The following PFKFB1 variants were observed in gnomAD, a reference collection of about 807,000 sequenced individuals.
PFKFB1 encodes the protein 6-phosphofructo-2-kinase/fructose-2,6-biphosphatase 1.
A neutral mutation model predicts 46.4 loss-of-function variants in PFKFB1; 34 were observed. The ratio of observed to expected loss-of-function variants is 0.73; its 90% confidence interval spans 0.56 to 0.98. The LOEUF (loss-of-function observed/expected upper bound fraction) is 0.98, where lower values mean the gene tolerates loss of function less well. PFKFB1 is among the 50% of genes least tolerant of loss of function. The pLI, the probability that PFKFB1 is intolerant of heterozygous loss-of-function variation, is 0.00. For synonymous variants in PFKFB1, 119 were observed against 133.8 expected (o/e 0.89, Z 0.76); for missense variants, 393 against 376.3 (o/e 1.04, Z -0.37).
chrX:54,941,684 C>T (rs1450131295), intron 10 of PFKFB1, among the ~76,000 whole-genome samples: 1 of 111,999 alleles, frequency 8.9e-6, no homozygotes, highest in Non-Finnish European at 1.9e-5. Context: ...AAATCAAAAC[C>T]ACAATGAGAT....
chrX:54,945,077 G>T (rs1461795346), intron 10 of PFKFB1, among the ~76,000 whole-genome samples: 1 of 112,043 alleles, frequency 8.9e-6, no homozygotes, highest in Non-Finnish European at 1.9e-5. Context: ...GCCCAGACAG[G>T]CTGGAGCTTT....
intron 12 of PFKFB1, 84 bp downstream of exon 12, chrX:54,934,863 G>A: frequency 1.3e-6 from 1 of 771,210 alleles, no homozygotes; most frequent in African/African-American, 2.0e-5. Flanking sequence ...CCTCCTGCAG[G>A]ACTCTTCTGG....
In PFKFB1 at chrX:54,945,532, C is replaced by G; in HGVS notation, c.1005G>C (p.Glu335Asp). 1 of 1,157,912 alleles carries G rather than the reference C, an allele frequency of 8.6e-7. No homozygotes were observed. The highest frequency in any genetic ancestry group is 1.9e-5 in the South Asian group (1 of 53,742). ...ALNEIDAGVCEEMTYEEIQEH... is the reference protein window; with the variant it reads ...ALNEIDAGVCDEMTYEEIQEH... Reference sequence around the variant, plus strand: ...CCTGGATTTCTTCATAGGTCATCTCCTCACAGACACCCTGAGAAAAAGTAT... The same window carrying G: ...CCTGGATTTCTTCATAGGTCATCTCGTCACAGACACCCTGAGAAAAAGTAT... Residue 335 changes from glutamate (E) to aspartate (D), a missense_variant, in exon 10 of 14, where the codon GAG becomes GAC. Coordinates refer to ENST00000375006, the MANE Select transcript of PFKFB1 (RefSeq NM_002625.4).
chrX:54,943,644 G>A (rs1480829658), intron 10 of PFKFB1, among the ~76,000 whole-genome samples: 2 of 110,757 alleles, frequency 1.8e-5, no homozygotes, highest in African/African-American at 6.6e-5. Flanking sequence ...CCAGCTACTC[G>A]GGAGGCTGAG....
intron 1 of PFKFB1, among the ~76,000 whole-genome samples, chrX:54,974,329 G>A (rs954374029): frequency 1.8e-5 from 2 of 111,578 alleles, no homozygotes; most frequent in African/African-American, 6.5e-5. Context: ...CTTTAACAAA[G>A]CATGCAATAA....
At chrX:54,998,689 A>G (rs903613209), upstream of PFKFB1, among the ~76,000 whole-genome samples, 2 of 112,592 alleles carry the variant, frequency 1.8e-5, no homozygotes, top group African/African-American at 6.5e-5. Flanking sequence ...GTCAGAACTA[A>G]TATTAACAAG....
At chrX:54,943,614 G>T (rs1427150388) in intron 10 of PFKFB1, among the ~76,000 whole-genome samples, 1 of 110,525 alleles carries the variant, frequency 9.0e-6, no homozygotes, top group African/African-American at 3.3e-5. Context: ...AGCCAGGTGT[G>T]GTGGCAGGTG....
At chrX:54,993,112 G>T (rs781161869) in intron 1 of PFKFB1, among the ~76,000 whole-genome samples, 4 of 111,713 alleles carry the variant, frequency 3.6e-5, no homozygotes, top group Non-Finnish European at 7.5e-5. Context: ...CCACCTTATG[G>T]CCACTCAGGC....
chrX:54,955,482 GT>G (rs11423589), intron 7 of PFKFB1, among the ~76,000 whole-genome samples: 1 of 108,811 alleles, frequency 9.2e-6, no homozygotes, highest in African/African-American at 3.4e-5. Context: ...AACATTTCTT[GT>G]TTTTTTTTAT....
chrX:54,948,901 C>T (rs549313065), intron 9 of PFKFB1, among the ~76,000 whole-genome samples, 174 bp downstream of exon 9: 2 of 112,327 alleles, frequency 1.8e-5, no homozygotes, highest in South Asian at 7.5e-4. Flanking sequence ...TTTGTCTATT[C>T]TGGCCTTCAC....
Position 54,958,336 on chromosome X carries a change from A to G in PFKFB1, c.486T>C (p.Asn162=), listed in dbSNP as rs1174635953. 2 of 1,179,399 alleles carry G rather than the reference A, an allele frequency of 1.7e-6. No homozygotes were observed. Among genetic ancestry groups the G allele is most frequent in the African/African-American group, 1.8e-5 (1 of 56,548 alleles). Residue 162 remains asparagine (N), a synonymous_variant, in exon 6 of 14, where the codon AAT becomes AAC. Transcript: ENST00000375006. ...YKVFFIESIC[N]DPGIIAENIR... ...TGTTTTCTGCAATTATGCCAGGGTC[A>G]TTACAAATGGACTCAATGAAAAACA...
intron 10 of PFKFB1, among the ~76,000 whole-genome samples, chrX:54,939,282 C>G (rs187428100): frequency 1.9e-4 from 21 of 109,933 alleles, no homozygotes; most frequent in African/African-American, 5.6e-4. Context: ...ATGCCCACAA[C>G]AGAAAGCAGG....
At chrX:54,978,686 A>G (rs1381585093) in intron 1 of PFKFB1, among the ~76,000 whole-genome samples, 22 of 111,546 alleles carry the variant, frequency 2.0e-4, no homozygotes. Context: ...AACTAATCTA[A>G]CAGTTCAAGG....
At chrX:54,978,699 A>G (rs1442284570) in intron 1 of PFKFB1, among the ~76,000 whole-genome samples, 2 of 111,721 alleles carry the variant, frequency 1.8e-5, no homozygotes. Flanking sequence ...GTTCAAGGTT[A>G]ATATCATCAG....
At chrX:54,984,151 T>C (rs1214324034) in intron 1 of PFKFB1, among the ~76,000 whole-genome samples, 2 of 112,224 alleles carry the variant, frequency 1.8e-5, no homozygotes, top group East Asian at 5.6e-4. Context: ...ATGTAAGGAT[T>C]TCCACCTTCT....
Position 54,940,422 on chromosome X carries a change from C to T in PFKFB1, c.1099-2698G>A, listed in dbSNP as rs952132510. Among the ~76,000 whole-genome samples, 18 of 111,506 alleles carry T rather than the reference C, an allele frequency of 1.6e-4. No individual in the cohort carries two copies. The South Asian group carries it at 3.8e-3, about 24-fold the overall frequency. On this transcript the variant is annotated intron_variant, in intron 10 of 13. Coordinates refer to ENST00000375006, the MANE Select transcript of PFKFB1 (RefSeq NM_002625.4). ...TCAGGCAGGAGAGAGAAATAAAGGGCATTCAATTAGGAAAAGAGGAAGTCA... is the reference window on the plus strand; with the variant it reads ...TCAGGCAGGAGAGAGAAATAAAGGGTATTCAATTAGGAAAAGAGGAAGTCA...
chrX:54,948,560 A>T (rs912621516), intron 9 of PFKFB1, among the ~76,000 whole-genome samples: 3 of 111,764 alleles, frequency 2.7e-5, no homozygotes, highest in Non-Finnish European at 5.7e-5. Context: ...TTCAGATCTC[A>T]CTATTGCTGT....
At chrX:54,982,246 G>A (rs1935013600) in intron 1 of PFKFB1, among the ~76,000 whole-genome samples, 1 of 111,517 alleles carries the variant, frequency 9.0e-6, no homozygotes, top group Non-Finnish European at 1.9e-5. Flanking sequence ...GAAATAAGAA[G>A]AGGAGGGAAT....
At chrX:54,980,318 T>TACAC (rs35051444) in intron 1 of PFKFB1, among the ~76,000 whole-genome samples, 397 of 106,235 alleles carry the variant, frequency 3.7e-3, no homozygotes, top group African/African-American at 0.012. Flanking sequence ...TGATTTAACA[T>TACAC]ACACACACAC....
Sources: allele counts gnomAD v4.1 joint callset (sites outside exome capture counted in the v4.1 genomes callset), GRCh38; gene constraint gnomAD v4.1.1; transcripts MANE v1.5; gene names NCBI Gene and HGNC (gene_info 2026-07-23, HGNC 2026-07-21).